Variants in SOX6 observed in about 807,000 individuals in gnomAD.
SOX6 encodes the protein SRY-box transcription factor 6.
A neutral mutation model predicts 97.8 loss-of-function variants in SOX6; 11 were observed. The ratio of observed to expected loss-of-function variants is 0.11; its 90% CI spans 0.07 to 0.19. The LOEUF (loss-of-function observed/expected upper bound fraction) is 0.19. Among genes scored for constraint, SOX6 ranks in the 10% least tolerant of loss-of-function variants. The probability of loss-of-function intolerance (pLI) is 1.00; values close to 1 mark genes in which losing one functional copy is unlikely to be tolerated. For synonymous variants in SOX6, 360 were observed against 371.4 expected (o/e 0.97, Z 0.35); for missense variants, 810 against 1,039.5 (o/e 0.78, Z 3.04).
intron 1 of SOX6, among the ~76,000 whole-genome samples, chr11:16,473,390 C>T (rs7933676): frequency 0.98 from 149,638 of 152,290 alleles, 73,581 homozygotes; most frequent in East Asian, 1. Context: ...GTATATACCT[C>T]AATTAAAAAT....
chr11:16,631,018 A>C (rs2133995722), intron 3 of SOX6, among the ~76,000 whole-genome samples: 1 of 151,326 alleles, frequency 6.6e-6, no homozygotes, highest in African/African-American at 2.4e-5. Flanking sequence ...CAGACAGATG[A>C]GTCTTGTTTT....
chr11:16,534,424 T>C (rs1353198145), intron 4 of SOX6, among the ~76,000 whole-genome samples: 1 of 152,134 alleles, frequency 6.6e-6, no homozygotes, highest in Non-Finnish European at 1.5e-5. Context: ...TCTAGAACTT[T>C]GCCTTGTATA....
intron 3 of SOX6, among the ~76,000 whole-genome samples, chr11:16,270,637 TA>T: frequency 1.0e-5 from 1 of 96,768 alleles, no homozygotes; most frequent in Non-Finnish European, 2.2e-5. Context: ...CAAAATGTAA[TA>T]ACACACACAC....
At chr11:16,296,843 T>C (rs1285523012) in intron 3 of SOX6, among the ~76,000 whole-genome samples, 1 of 152,004 alleles carries the variant, frequency 6.6e-6, no homozygotes, top group Non-Finnish European at 1.5e-5. Flanking sequence ...TACTGGGTAA[T>C]GTTATGGGCA....
At chr11:16,123,807 C>T (rs919910390) in intron 6 of SOX6, among the ~76,000 whole-genome samples, 3 of 151,918 alleles carry the variant, frequency 2.0e-5, no homozygotes, top group African/African-American at 7.2e-5. Flanking sequence ...TTATTTAGTG[C>T]CATTTTCATA....
At chr11:16,140,582 T>A (rs1221785811) in intron 6 of SOX6, among the ~76,000 whole-genome samples, 4 of 152,312 alleles carry the variant, frequency 2.6e-5, no homozygotes, top group African/African-American at 9.6e-5. Context: ...TGTGGTTCAG[T>A]GTCTGGCAGA....
At chr11:16,322,846 TATAATTGTGTAAAA>T (rs1190691534) in intron 2 of SOX6, among the ~76,000 whole-genome samples, 1 of 152,196 alleles carries the variant, frequency 6.6e-6, no homozygotes, top group East Asian at 1.9e-4. Context: ...ACAATGTGAA[TATAATTGTGTAAAA>T]AATTTTTAAA....
At chr11:16,313,291 T>A (rs1855661889) in intron 3 of SOX6, 1 of 152,152 alleles carries the variant, frequency 6.6e-6, no homozygotes, top group Admixed American at 6.5e-5. Context: ...TTCTTGTAGA[T>A]GAGGGCAAAT....
intron 4 of SOX6, among the ~76,000 whole-genome samples, chr11:16,547,600 T>C (rs1419497738): frequency 6.6e-6 from 1 of 151,982 alleles, no homozygotes; most frequent in Non-Finnish European, 1.5e-5. Flanking sequence ...AGGTTAATCA[T>C]GAGAATGTCG....
At chr11:16,304,732 G>A (rs1054977772) in intron 3 of SOX6, among the ~76,000 whole-genome samples, 3 of 151,932 alleles carry the variant, frequency 2.0e-5, no homozygotes, top group African/African-American at 7.3e-5. Flanking sequence ...CTGGTTTTTT[G>A]TTTTGTTCTG....
intron 3 of SOX6, among the ~76,000 whole-genome samples, chr11:16,266,178 T>C (rs2134221613): frequency 6.6e-6 from 1 of 151,694 alleles, no homozygotes; most frequent in Non-Finnish European, 1.5e-5. Flanking sequence ...TGAAAAGTAA[T>C]CCCCCAAAAA....
chr11:16,482,778 A>C (rs1017339341), intron 4 of SOX6, among the ~76,000 whole-genome samples: 7 of 152,130 alleles, frequency 4.6e-5, no homozygotes, highest in Non-Finnish European at 1.0e-4. Context: ...TACATACTTC[A>C]CATTTCAGCA....
intron 3 of SOX6, among the ~76,000 whole-genome samples, chr11:16,630,149 T>C (rs1341653827): frequency 1.3e-5 from 2 of 152,172 alleles, no homozygotes; most frequent in Admixed American, 6.5e-5. Flanking sequence ...TAGTTTGTTC[T>C]TGTTTTTCTA....
intron 4 of SOX6, among the ~76,000 whole-genome samples, chr11:16,229,887 TTTCAA>T (rs897272154): frequency 6.6e-6 from 1 of 151,744 alleles, no homozygotes; most frequent in African/African-American, 2.4e-5. Flanking sequence ...AGGAAAAGTT[TTTCAA>T]TTCAACTATG....
chr11:16,714,492 C>T (rs1444059683), intron 3 of SOX6, among the ~76,000 whole-genome samples: 1 of 132,554 alleles, frequency 7.5e-6, no homozygotes, highest in Non-Finnish European at 1.5e-5. Flanking sequence ...CTTGCTCTGT[C>T]GCCAGGCTGG....
intron 1 of SOX6, among the ~76,000 whole-genome samples, chr11:16,354,204 G>T (rs555221391): frequency 6.6e-6 from 1 of 151,958 alleles, no homozygotes; most frequent in African/African-American, 2.4e-5. Context: ...TCCTTGAAAA[G>T]TTGTTGTGAA....
intron 3 of SOX6, among the ~76,000 whole-genome samples, chr11:16,652,821 T>C (rs1349549378): frequency 6.6e-6 from 1 of 151,966 alleles, no homozygotes; most frequent in African/African-American, 2.4e-5. Context: ...GCAGAGTCAA[T>C]AGACAACCCA....
At chr11:16,502,909 G>T (rs1048022207) in intron 4 of SOX6, among the ~76,000 whole-genome samples, 1 of 152,028 alleles carries the variant, frequency 6.6e-6, no homozygotes, top group Non-Finnish European at 1.5e-5. Flanking sequence ...TCTTCTCCAC[G>T]GTACATTATA....
At chr11:16,484,132 A>C (rs1458657442) in intron 4 of SOX6, 19 of 774,060 alleles carry the variant, frequency 2.5e-5, no homozygotes, top group Non-Finnish European at 4.3e-5. Flanking sequence ...GGTTAACTGC[A>C]GGCTTATCCT....
Sources: allele counts gnomAD v4.1 joint callset (sites outside exome capture counted in the v4.1 genomes callset), GRCh38; gene constraint gnomAD v4.1.1; transcripts MANE v1.5; gene names NCBI Gene and HGNC (gene_info 2026-07-23, HGNC 2026-07-21).